PPM1H: variants seen among roughly 807,000 people sequenced by gnomAD.
PPM1H encodes protein phosphatase, Mg2+/Mn2+ dependent 1H.
PPM1H carries 27 observed loss-of-function variants against 54.9 expected under a neutral mutation model. The observed-to-expected ratio is 0.49, with a 90% CI of 0.36 to 0.68. The LOEUF (loss-of-function observed/expected upper bound fraction) is 0.68, where lower values mean the gene tolerates loss of function less well. PPM1H is among the 30% of genes least tolerant of loss of function. PPM1H has a pLI of 0.00. For synonymous variants in PPM1H, 305 were observed against 270.8 expected (o/e 1.13, Z -1.24); for missense variants, 596 against 667.8 (o/e 0.89, Z 1.19).
chr12:62,918,236 G>A (rs955978102), intron 1 of PPM1H, among the ~76,000 whole-genome samples: 2 of 152,046 alleles, frequency 1.3e-5, no homozygotes, highest in African/African-American at 4.8e-5. Context: ...ATTGATCATG[G>A]TGCCACCCCA....
intron 1 of PPM1H, among the ~76,000 whole-genome samples, chr12:62,834,065 TC>T (rs1174848597): frequency 6.6e-6 from 1 of 152,228 alleles, no homozygotes; most frequent in Non-Finnish European, 1.5e-5. Flanking sequence ...TTAGCATATT[TC>T]TATAAACAAA....
intron 4 of PPM1H, among the ~76,000 whole-genome samples, chr12:62,777,668 C>T (rs2076619116): frequency 6.6e-6 from 1 of 152,082 alleles, no homozygotes. Flanking sequence ...AAAAAACATA[C>T]CAAAGAACTG....
intron 4 of PPM1H, among the ~76,000 whole-genome samples, chr12:62,756,725 T>C (rs1186543430): frequency 6.6e-6 from 1 of 151,028 alleles, no homozygotes; most frequent in African/African-American, 2.4e-5. Context: ...AGGAGGGCAC[T>C]GAATCTCGGA....
chr12:62,657,693 A>G (rs1487344818), intron 9 of PPM1H, among the ~76,000 whole-genome samples: 1 of 152,234 alleles, frequency 6.6e-6, no homozygotes, highest in African/African-American at 2.4e-5. Flanking sequence ...AAATTAGTTC[A>G]GCTAACTCAT....
intron 6 of PPM1H, 38 bp from the exon 7 acceptor site, chr12:62,694,037 C>G: frequency 6.4e-7 from 1 of 1,569,914 alleles, no homozygotes; most frequent in Non-Finnish European, 8.7e-7. Context: ...AAGGTTTGCA[C>G]TCAATTAGTG....
chr12:62,796,611 T>A (rs1041538435), intron 3 of PPM1H, among the ~76,000 whole-genome samples: 2 of 152,226 alleles, frequency 1.3e-5, no homozygotes, highest in Non-Finnish European at 2.9e-5. Context: ...CCTCCACATG[T>A]TCAGCTACCC....
intron 4 of PPM1H, among the ~76,000 whole-genome samples, chr12:62,771,122 CT>C (rs1207630709): frequency 7.0e-6 from 1 of 143,416 alleles, no homozygotes; most frequent in Non-Finnish European, 1.5e-5. Flanking sequence ...AGCTGGGAGG[CT>C]TTTTAAAGGC....
In PPM1H at chr12:62,897,562, G is replaced by GA. The variant is rs572453679; in HGVS notation, c.245+36929dup. ...TCAAGCAGGTGTCCATACCCTGTAA[G>GA]AACCTTGTCCACACTTCAGCCTCTG... On this transcript the variant is annotated intron_variant, in intron 1 of 9. Transcript: ENST00000228705. 2.0e-3 allele frequency among the ~76,000 whole-genome samples: 312 copies of GA among 152,212 alleles called. 2 individuals carry two copies. The highest frequency in any genetic ancestry group is 7.0e-3 in the African/African-American group (290 of 41,522).
chr12:62,860,491 A>G (rs1188758009), intron 1 of PPM1H, among the ~76,000 whole-genome samples: 1 of 152,218 alleles, frequency 6.6e-6, no homozygotes, highest in Non-Finnish European at 1.5e-5. Flanking sequence ...ACAAAGCTCT[A>G]TGTCATCTAA....
chr12:62,669,605 T>G (rs1030598417), intron 8 of PPM1H, among the ~76,000 whole-genome samples: 4 of 152,144 alleles, frequency 2.6e-5, no homozygotes, highest in Admixed American at 1.3e-4. Context: ...AGACTGTAAA[T>G]GTCACCCCTG....
chr12:62,751,243 T>C (rs1350206320), intron 4 of PPM1H, among the ~76,000 whole-genome samples: 1 of 152,206 alleles, frequency 6.6e-6, no homozygotes, highest in Non-Finnish European at 1.5e-5. Flanking sequence ...CTTGTTTGAT[T>C]TGTGTCTGAT....
At chr12:62,856,936 A>G (rs1869412653) in intron 1 of PPM1H, among the ~76,000 whole-genome samples, 1 of 152,040 alleles carries the variant, frequency 6.6e-6, no homozygotes, top group Non-Finnish European at 1.5e-5. Flanking sequence ...AATCTATTTC[A>G]CCTCCTAGCT....
Position 62,934,514 on chromosome 12 carries a change from G to A in PPM1H, c.223C>T (p.Pro75Ser). 6.5e-7 allele frequency: 1 copy of A among 1,547,886 alleles called. No individual in the cohort carries two copies. Among genetic ancestry groups the A allele is most frequent in the Non-Finnish European group, 8.7e-7 (1 of 1,146,766 alleles). Residue 75 changes from proline (P) to serine (S), a missense_variant, in exon 1 of 10, where the codon CCC becomes TCC. Around this residue, in one of 3 missense-constraint regions of PPM1H, gnomAD observed 382 missense variants for 387.1 expected, o/e 0.99. Coordinates refer to ENST00000228705, the MANE Select transcript of PPM1H (RefSeq NM_020700.2). This position sits in a 1 kb window ranked among gnomAD's most constrained non-coding sequence, Gnocchi z 4.2. Reference sequence around the variant, plus strand: ...CACTCTGCGTAGCCAGTGGCCCAGGGCAGCCGCCGAGTCTCCTTGAGGATG... The same window carrying A: ...CACTCTGCGTAGCCAGTGGCCCAGGACAGCCGCCGAGTCTCCTTGAGGATG... ...ILILKETRRL[P>S]WATGYAEVIN... is the part of the protein sequence containing the mutation.
intron 7 of PPM1H, 47 bp downstream of exon 7, chr12:62,693,882 CGAAGGCG>C: frequency 6.6e-7 from 1 of 1,524,924 alleles, no homozygotes; most frequent in South Asian, 1.2e-5. Context: ...CTATGTGGAG[CGAAGGCG>C]GGACAGAGCC....
intron 1 of PPM1H, among the ~76,000 whole-genome samples, chr12:62,834,082 A>G (rs1426961129): frequency 1.3e-5 from 2 of 152,184 alleles, no homozygotes; most frequent in African/African-American, 4.8e-5. Flanking sequence ...ACAAAAGCCT[A>G]TGTTTACTTA....
chr12:62,763,110 T>C (rs538163221), intron 4 of PPM1H, among the ~76,000 whole-genome samples: 1 of 152,336 alleles, frequency 6.6e-6, no homozygotes, highest in Non-Finnish European at 1.5e-5. Flanking sequence ...GAAGCAGATT[T>C]ACCTGGCTCC....
chr12:62,782,156 C>A (rs578244848), intron 4 of PPM1H, among the ~76,000 whole-genome samples: 8 of 152,132 alleles, frequency 5.3e-5, no homozygotes, highest in African/African-American at 1.9e-4. Context: ...CTCACTGGCA[C>A]GTGTGGATAG....
At chr12:62,858,610 G>A (rs565453005) in intron 1 of PPM1H, among the ~76,000 whole-genome samples, 1 of 152,140 alleles carries the variant, frequency 6.6e-6, no homozygotes, top group Non-Finnish European at 1.5e-5. Context: ...TGTCCCGGCA[G>A]GTCTGCCTAA....
intron 9 of PPM1H, among the ~76,000 whole-genome samples, chr12:62,652,215 G>A (rs1274856218): frequency 6.6e-6 from 1 of 152,284 alleles, no homozygotes; most frequent in East Asian, 1.9e-4. Flanking sequence ...TCTAAACTTT[G>A]CATTATTATT....
Sources: gnomAD v4.1 joint callset for allele counts (sites outside exome capture counted in the v4.1 genomes callset) on GRCh38, gnomAD v4.1.1 for gene constraint, gnomAD v4.1.1 regional missense constraint, Gnocchi (gnomAD v3.1) non-coding constraint, MANE v1.5 for transcripts, NCBI Gene and HGNC (gene_info 2026-07-23, HGNC 2026-07-21) for gene names.